The following PRKD1 variants were observed in gnomAD, a reference collection of about 807,000 sequenced individuals.
PRKD1 encodes serine/threonine-protein kinase D1.
Under a neutral mutation model 95.9 loss-of-function variants are expected in PRKD1, and 63 were observed. That is an observed-to-expected ratio of 0.66 (90% CI 0.54 to 0.81). PRKD1 has a LOEUF of 0.81. Ranked by LOEUF, PRKD1 falls within the 30% of genes least tolerant of loss-of-function variation. PRKD1 has a pLI of 0.00. For missense variants in PRKD1, 1,048 were observed against 1,165.3 expected, an observed-to-expected ratio of 0.90 and a Z score of 1.47; for synonymous variants, 425 against 423.1, an observed-to-expected ratio of 1.00 and a Z score of -0.05.
chr14:29,796,868 A>G (rs1566606681), intron 1 of PRKD1, among the ~76,000 whole-genome samples: 1 of 152,218 alleles, frequency 6.6e-6, no homozygotes, highest in Non-Finnish European at 1.5e-5. Context: ...TGCAAAGGGA[A>G]ATGAAGAATG....
At chr14:29,775,667 G>A (rs1030169797) in intron 1 of PRKD1, among the ~76,000 whole-genome samples, 1 of 152,152 alleles carries the variant, frequency 6.6e-6, no homozygotes, top group African/African-American at 2.4e-5. Flanking sequence ...CTGGGTGGAG[G>A]CCACCAAAGC....
At chr14:29,646,781 G>A (rs1473246563) in intron 4 of PRKD1, among the ~76,000 whole-genome samples, 3 of 150,600 alleles carry the variant, frequency 2.0e-5, no homozygotes, top group Non-Finnish European at 4.4e-5. Flanking sequence ...ACAGTCATCT[G>A]CAACAACACT....
Position 29,894,925 on chromosome 14 carries a change from C to T in PRKD1, c.264+32324G>A, listed in dbSNP as rs530952681. On this transcript the variant is annotated intron_variant, in intron 1 of 17. Coordinates refer to ENST00000331968, the MANE Select transcript of PRKD1 (RefSeq NM_002742.3). ...TAAGATGTCCTATTTAATTTCTAGA[C>T]ATATGATGTCAAAACATGTACGTTT... Among the ~76,000 whole-genome samples the T allele has an allele frequency of 7.2e-5, 11 of 152,302 alleles. No homozygotes were observed. The East Asian group carries it at 1.9e-3, about 27-fold the overall frequency.
intron 1 of PRKD1, among the ~76,000 whole-genome samples, chr14:29,914,796 G>A (rs1894836475): frequency 6.8e-6 from 1 of 146,930 alleles, no homozygotes; most frequent in African/African-American, 2.7e-5. Flanking sequence ...TTTTTGAGAC[G>A]GAGTCTTGCT....
chr14:29,602,444 T>C (rs984975742), intron 13 of PRKD1, among the ~76,000 whole-genome samples: 2 of 120,432 alleles, frequency 1.7e-5, no homozygotes, highest in African/African-American at 6.8e-5. Flanking sequence ...TTTTTTTTTT[T>C]GTTTTGACGG....
intron 2 of PRKD1, among the ~76,000 whole-genome samples, chr14:29,716,339 C>A (rs1885608170): frequency 6.6e-6 from 1 of 152,092 alleles, no homozygotes; most frequent in African/African-American, 2.4e-5. Flanking sequence ...GTATTGCTGA[C>A]AGAGATCTAT....
At chr14:29,633,659 C>T (rs1032196765) in intron 8 of PRKD1, among the ~76,000 whole-genome samples, 1 of 152,152 alleles carries the variant, frequency 6.6e-6, no homozygotes, top group Non-Finnish European at 1.5e-5. Context: ...CTCTTCTCCT[C>T]CACAACCAAT....
chr14:29,713,607 C>T (rs1885443299), intron 2 of PRKD1, among the ~76,000 whole-genome samples: 1 of 152,120 alleles, frequency 6.6e-6, no homozygotes. Context: ...AAAACTTACA[C>T]CATGTATTTT....
intron 13 of PRKD1, among the ~76,000 whole-genome samples, chr14:29,608,649 T>C (rs7160834): frequency 0.96 from 146,677 of 152,104 alleles, 70,772 homozygotes; most frequent in Non-Finnish European, 0.98. Context: ...AATTATTTGC[T>C]ATCATGGGGT....
At chr14:29,659,088 A>C (rs1882051948) in intron 4 of PRKD1, among the ~76,000 whole-genome samples, 1 of 152,146 alleles carries the variant, frequency 6.6e-6, no homozygotes, top group Admixed American at 6.5e-5. Flanking sequence ...ATGTGCATAA[A>C]CCCATGTAAC....
chr14:29,670,918 A>G (rs1948017740), intron 2 of PRKD1, among the ~76,000 whole-genome samples: 2 of 152,190 alleles, frequency 1.3e-5, no homozygotes, highest in South Asian at 4.1e-4. Flanking sequence ...AAATTCTTGC[A>G]GAGGGACTTG....
At chr14:29,789,378 A>G (rs1478140034) in intron 1 of PRKD1, among the ~76,000 whole-genome samples, 1 of 151,988 alleles carries the variant, frequency 6.6e-6, no homozygotes, top group Non-Finnish European at 1.5e-5. Context: ...TTCCAATTTT[A>G]TGGATGGCTT....
intron 13 of PRKD1, among the ~76,000 whole-genome samples, chr14:29,611,522 G>A (rs1445238400): frequency 6.6e-6 from 1 of 151,990 alleles, no homozygotes; most frequent in Non-Finnish European, 1.5e-5. Flanking sequence ...CTGAATGCAT[G>A]CATCCCAGTA....
Position 29,768,992 on chromosome 14 carries a change from TACC to T in PRKD1, c.265-43321_265-43319del, listed in dbSNP as rs374813324. 2.3e-3 allele frequency among the ~76,000 whole-genome samples: 355 copies of T among 152,256 alleles called. 2 individuals carry two copies. Among genetic ancestry groups the T allele is most frequent in the Non-Finnish European group, 4.5e-3 (307 of 68,018 alleles). Reference sequence around the variant, plus strand: ...ACTTTACATTTCCTTCTGCCCACCCTACCACCACCCTCACATTCTGAAACAGAG... The same window carrying T: ...ACTTTACATTTCCTTCTGCCCACCCTACCACCCTCACATTCTGAAACAGAG... On this transcript the variant is annotated intron_variant, in intron 1 of 17. Transcript: ENST00000331968.
chr14:29,702,035 G>A (rs1884867205), intron 2 of PRKD1, among the ~76,000 whole-genome samples: 2 of 152,084 alleles, frequency 1.3e-5, no homozygotes, highest in Admixed American at 6.6e-5. Flanking sequence ...ATTAATCTGG[G>A]AAGAACTAAA....
intron 1 of PRKD1, among the ~76,000 whole-genome samples, chr14:29,877,550 T>C (rs569304908): frequency 6.6e-6 from 1 of 152,362 alleles, no homozygotes; most frequent in South Asian, 2.1e-4. Context: ...ATGTTTGTCA[T>C]GAAATTTTTG....
In PRKD1 at chr14:29,767,424, C is replaced by T. The variant is rs1229270118; in HGVS notation, c.265-41750G>A. Among the ~76,000 whole-genome samples the T allele has an allele frequency of 2.0e-5, 3 of 152,124 alleles. No homozygotes were observed. In the South Asian group the frequency reaches 6.2e-4, roughly 32 times the overall value. ...TGCTTATAAATAGTGTCAGTTGCCC[C>T]GTGGTTATACCTTTTGGAGCCATGC... On this transcript the variant is annotated intron_variant, in intron 1 of 17. Transcript: ENST00000331968.
intron 1 of PRKD1, among the ~76,000 whole-genome samples, chr14:29,814,045 T>C (rs1457572221): frequency 6.6e-6 from 1 of 152,212 alleles, no homozygotes; most frequent in Non-Finnish European, 1.5e-5. Flanking sequence ...CAAAATATAT[T>C]TGTTGAATGA....
At chr14:29,923,691 T>C (rs1298890805) in intron 1 of PRKD1, among the ~76,000 whole-genome samples, 1 of 151,852 alleles carries the variant, frequency 6.6e-6, no homozygotes, top group Non-Finnish European at 1.5e-5. Context: ...ATGCTATTAC[T>C]CCATTTAAGT....
Sources: allele counts gnomAD v4.1 joint callset (sites outside exome capture counted in the v4.1 genomes callset), GRCh38; gene constraint gnomAD v4.1.1; transcripts MANE v1.5; gene names NCBI Gene and HGNC (gene_info 2026-07-23, HGNC 2026-07-21).